The following SLC16A7 variants were observed in gnomAD, a reference collection of about 807,000 sequenced individuals.
The protein encoded by SLC16A7 is monocarboxylate transporter 2.
Under a neutral mutation model 34.9 loss-of-function variants are expected in SLC16A7, and 33 were observed. That is an observed-to-expected ratio of 0.94 (90% CI 0.72 to 1.26). The LOEUF (loss-of-function observed/expected upper bound fraction) is 1.26. SLC16A7 is among the 50% of genes most tolerant of loss of function. The pLI is 0.00. For missense variants in SLC16A7, 573 were observed against 578.1 expected (o/e 0.99, Z 0.09); for synonymous variants, 201 against 206.6 (o/e 0.97, Z 0.23).
At chr12:59,764,912 T>C (rs1168995363) in intron 3 of SLC16A7, among the ~76,000 whole-genome samples, 1 of 152,264 alleles carries the variant, frequency 6.6e-6, no homozygotes, top group South Asian at 2.1e-4. Context: ...CGCCACACTG[T>C]CTTCCACAAT....
chr12:59,768,900 T>G (rs1881950321), intron 3 of SLC16A7, among the ~76,000 whole-genome samples: 1 of 151,916 alleles, frequency 6.6e-6, no homozygotes, highest in Admixed American at 6.6e-5. Context: ...CTAGGGAGAC[T>G]TAGTTGGGAG....
chr12:59,612,507 T>C (rs1447614987), intron 1 of SLC16A7, among the ~76,000 whole-genome samples: 1 of 152,144 alleles, frequency 6.6e-6, no homozygotes, highest in Admixed American at 6.5e-5. Flanking sequence ...TGTGGAGACA[T>C]TTTCCCCATT....
chr12:59,628,456 A>G (rs998431694), intron 1 of SLC16A7, among the ~76,000 whole-genome samples: 2 of 151,810 alleles, frequency 1.3e-5, no homozygotes, highest in African/African-American at 4.8e-5. Flanking sequence ...CTTGACTTTC[A>G]TGACTCAATT....
At chr12:59,771,541 C>G (rs1242776826) in intron 4 of SLC16A7, among the ~76,000 whole-genome samples, 179 bp downstream of exon 4, 1 of 151,982 alleles carries the variant, frequency 6.6e-6, no homozygotes, top group East Asian at 1.9e-4. Context: ...GCAAACATTT[C>G]ATTTTTAAAA....
At chr12:59,696,172 A>C (rs1565654289) in intron 2 of SLC16A7, among the ~76,000 whole-genome samples, 1 of 151,754 alleles carries the variant, frequency 6.6e-6, no homozygotes. Flanking sequence ...ACAAAACCTA[A>C]TTTTTTTAAT....
rs540931587 is a variant in SLC16A7, at chr12:59,704,645, G to A, written c.-30-127G>A. On this transcript the variant is annotated intron_variant, in intron 2 of 5. Coordinates refer to ENST00000547379, the MANE Select transcript of SLC16A7 (RefSeq NM_001270623.2). The stretch of plus-strand genomic sequence containing the variant: ...TTCTGGTAATTTTCTGAGTATAAGA[G>A]TGTGAAAAATATTCATGAAAAATCA... The A allele has an allele frequency of 6.2e-5, 37 of 594,840 alleles. 1 individual carries two copies. The South Asian group carries it at 6.9e-4, about 11-fold the overall frequency. 36.8% of individuals were successfully genotyped at this position (594,840 alleles called of 1,614,324 possible). A position where few individuals can be genotyped will look rare whatever the true frequency, so the allele number is the denominator to read the frequency against.
chr12:59,709,293 C>T (rs1592545870), intron 3 of SLC16A7, among the ~76,000 whole-genome samples: 1 of 151,480 alleles, frequency 6.6e-6, no homozygotes, highest in East Asian at 1.9e-4. Flanking sequence ...ACTTATTTTT[C>T]TGTTTTATGT....
chr12:59,766,828 G>A (rs1401216487), intron 3 of SLC16A7, among the ~76,000 whole-genome samples: 1 of 152,088 alleles, frequency 6.6e-6, no homozygotes, highest in Non-Finnish European at 1.5e-5. Context: ...TTTGGTATCA[G>A]GATGATGCTG....
intron 2 of SLC16A7, among the ~76,000 whole-genome samples, chr12:59,690,156 C>T (rs1565650859): frequency 6.6e-6 from 1 of 151,904 alleles, no homozygotes; most frequent in African/African-American, 2.4e-5. Flanking sequence ...TTTCCCTAAG[C>T]CATGACTCTG....
intron 3 of SLC16A7, among the ~76,000 whole-genome samples, chr12:59,757,859 AT>A (rs1880570037): frequency 6.6e-6 from 1 of 151,980 alleles, no homozygotes; most frequent in Non-Finnish European, 1.5e-5. Flanking sequence ...TCTTAATTGC[AT>A]TTTCTTTTTG....
At chr12:59,737,229 G>T (rs1877701098) in intron 3 of SLC16A7, among the ~76,000 whole-genome samples, 1 of 152,060 alleles carries the variant, frequency 6.6e-6, no homozygotes, top group South Asian at 2.1e-4. Flanking sequence ...AGAGAATTTT[G>T]GCACACACCT....
chr12:59,707,455 A>G (rs1397691202), intron 3 of SLC16A7, among the ~76,000 whole-genome samples: 1 of 152,056 alleles, frequency 6.6e-6, no homozygotes, highest in African/African-American at 2.4e-5. Flanking sequence ...GAAATTATAA[A>G]AAGTAAATAT....
At chr12:59,771,447 A>T in intron 4 of SLC16A7, 85 bp downstream of exon 4, 1 of 966,634 alleles carries the variant, frequency 1.0e-6, no homozygotes, top group Non-Finnish European at 1.4e-6. Flanking sequence ...GAAAATTCTT[A>T]TTTTCTTTGA....
At chr12:59,751,190 G>A (rs912891775) in intron 3 of SLC16A7, among the ~76,000 whole-genome samples, 4 of 152,214 alleles carry the variant, frequency 2.6e-5, no homozygotes, top group African/African-American at 9.6e-5. Context: ...GAAGACGGGT[G>A]ATTTCTGCAT....
chr12:59,605,264 A>G (rs1878883714), intron 1 of SLC16A7, among the ~76,000 whole-genome samples: 1 of 152,230 alleles, frequency 6.6e-6, no homozygotes, highest in Non-Finnish European at 1.5e-5. Flanking sequence ...ACCAAGCTAG[A>G]AAGCTTAGAG....
At chr12:59,655,057 T>C (rs1286904228) in intron 1 of SLC16A7, 95 bp from the exon 2 acceptor site, 1 of 152,012 alleles carries the variant, frequency 6.6e-6, no homozygotes, top group African/African-American at 2.4e-5. Flanking sequence ...CTACATGTTA[T>C]TAAGTCTTTC....
At chr12:59,704,199 C>CAAAAAAAAAAAAAAAAA (rs34021022) in intron 2 of SLC16A7, among the ~76,000 whole-genome samples, 138 of 50,988 alleles carry the variant, frequency 2.7e-3, no homozygotes, top group Non-Finnish European at 3.2e-3. Context: ...GACTCTGTCT[C>CAAAAAAAAAAAAAAAAA]AAAAAAAAAA....
At chr12:59,650,903 G>C (rs1171658848) in intron 1 of SLC16A7, among the ~76,000 whole-genome samples, 1 of 152,118 alleles carries the variant, frequency 6.6e-6, no homozygotes. Flanking sequence ...ATTGCTAAAA[G>C]CTCTAGTGTA....
At chr12:59,670,617 A>G (rs1565639625) in intron 2 of SLC16A7, among the ~76,000 whole-genome samples, 1 of 152,204 alleles carries the variant, frequency 6.6e-6, no homozygotes, top group Non-Finnish European at 1.5e-5. Context: ...AAAATAGGTC[A>G]TCTATTCCCA....
Sources: allele counts gnomAD v4.1 joint callset (sites outside exome capture counted in the v4.1 genomes callset), GRCh38; gene constraint gnomAD v4.1.1; transcripts MANE v1.5; gene names NCBI Gene and HGNC (gene_info 2026-07-23, HGNC 2026-07-21).